Variants in RNF175 observed in about 807,000 individuals in gnomAD.
The protein encoded by RNF175 is ring finger protein 175.
RNF175 carries 38 observed loss-of-function variants against 50.0 expected under a neutral mutation model. The observed-to-expected ratio is 0.76, with a 90% CI of 0.59 to 1.00. RNF175 has a LOEUF of 1.00. RNF175 is among the 50% of genes least tolerant of loss of function. The probability of loss-of-function intolerance (pLI) is 0.00; values close to 1 mark genes in which losing one functional copy is unlikely to be tolerated. For synonymous variants in RNF175, 155 were observed against 146.1 expected, an observed-to-expected ratio of 1.06 and a Z score of -0.44; for missense variants, 388 against 409.6, an observed-to-expected ratio of 0.95 and a Z score of 0.46.
At chr4:153,718,399 C>G (rs1738121516) in intron 6 of RNF175, among the ~76,000 whole-genome samples, 1 of 151,846 alleles carries the variant, frequency 6.6e-6, no homozygotes, top group Admixed American at 6.6e-5. Flanking sequence ...CACACACACA[C>G]CCCTTATTAA....
chr4:153,721,010 G>C (rs764010602), intron 5 of RNF175, among the ~76,000 whole-genome samples: 3 of 152,060 alleles, frequency 2.0e-5, no homozygotes, highest in Non-Finnish European at 4.4e-5. Context: ...ACAAAAATTG[G>C]TACATCACAA....
rs898795907 is a variant in RNF175, at chr4:153,747,831, G to C, written c.246+814C>G. Reference sequence around the variant, plus strand: ...TTCTTCGTATCAATTTTCTTTCTTAGTCTGTTTTCTGCTGTTATAACAGAA... The same window carrying C: ...TTCTTCGTATCAATTTTCTTTCTTACTCTGTTTTCTGCTGTTATAACAGAA... On this transcript the variant is annotated intron_variant, in intron 3 of 8. Transcript: ENST00000347063. 6.6e-5 allele frequency among the ~76,000 whole-genome samples: 10 copies of C among 152,250 alleles called. No individual in the cohort carries two copies. In the East Asian group the frequency reaches 1.9e-3, roughly 29 times the overall value.
At chr4:153,713,357 C>A (rs1560765791) in intron 7 of RNF175, 2 of 152,204 alleles carry the variant, frequency 1.3e-5, no homozygotes, top group African/African-American at 2.4e-5. Flanking sequence ...TCAGTGTCCT[C>A]AGCACCTTAA....
In RNF175 at chr4:153,730,439, A is replaced by C. The variant is rs542045253; in HGVS notation, c.247-2078T>G. ...GTTAGACCCTGTCTTAAAAAAAAAAAAGTGGGTAGCACCTTAACAAAAATC... is the reference window on the plus strand; with the variant it reads ...GTTAGACCCTGTCTTAAAAAAAAAACAGTGGGTAGCACCTTAACAAAAATC... On this transcript the variant is annotated intron_variant, in intron 3 of 8. Coordinates refer to ENST00000347063, the MANE Select transcript of RNF175 (RefSeq NM_173662.4). Among the ~76,000 whole-genome samples the C allele has an allele frequency of 3.3e-5, 5 of 152,240 alleles. No homozygotes were observed. The East Asian group carries it at 9.7e-4, about 29-fold the overall frequency.
intron 4 of RNF175, among the ~76,000 whole-genome samples, chr4:153,726,073 A>ATG (rs10592509): frequency 0.023 from 3,387 of 149,032 alleles, 45 homozygotes; most frequent in Non-Finnish European, 0.031. Context: ...TAGTGTGTGT[A>ATG]TGTGTGTGTG....
intron 3 of RNF175, chr4:153,729,896 C>T (rs201455363): frequency 4.8e-6 from 1 of 208,844 alleles, no homozygotes. Flanking sequence ...GGAAAAAAAT[C>T]CACTAATCTT....
rs1738251382 is a variant in RNF175, at chr4:153,720,253, G to A, written c.561C>T (p.Gly187=). The A allele has an allele frequency of 6.2e-7, 1 of 1,612,870 alleles. No individual in the cohort carries two copies. Residue 187 remains glycine, a synonymous_variant, in exon 6 of 9, where the codon GGC becomes GGT. Transcript: ENST00000347063. ...CTCTCCCCATTACTCCATAGTAGAGGCCGTAGAACAAAGACACAATGCCAA... is the reference window on the plus strand; with the variant it reads ...CTCTCCCCATTACTCCATAGTAGAGACCGTAGAACAAAGACACAATGCCAA... ...MDFGIVSLFY[G]LYYGVMGRDF... is the part of the protein sequence containing the mutation.
intron 2 of RNF175, among the ~76,000 whole-genome samples, chr4:153,749,446 C>G (rs1740171441): frequency 6.6e-6 from 1 of 152,080 alleles, no homozygotes; most frequent in Admixed American, 6.5e-5. Flanking sequence ...AGAATATTAT[C>G]CAGGGGGCAA....
At chr4:153,750,654 A>G (rs1740237631) in intron 2 of RNF175, among the ~76,000 whole-genome samples, 1 of 115,192 alleles carries the variant, frequency 8.7e-6, no homozygotes, top group African/African-American at 3.1e-5. Flanking sequence ...CTAGAAGCTC[A>G]TTTAAACAAA....
intron 1 of RNF175, among the ~76,000 whole-genome samples, chr4:153,757,765 A>G (rs1740633749): frequency 6.6e-6 from 1 of 151,794 alleles, no homozygotes; most frequent in South Asian, 2.1e-4. Context: ...CTGCTCTCAC[A>G]CTCCAAATTT....
chr4:153,759,796 C>T lies in RNF175; in HGVS notation c.66+1G>A. On this transcript the variant is annotated splice_donor_variant, in intron 1 of 8. Coordinates refer to ENST00000347063, the MANE Select transcript of RNF175 (RefSeq NM_173662.4). LOFTEE classifies it high-confidence loss of function. Reference sequence around the variant, plus strand: ...CCACGCCCGCGCCCCCGCGCCAGTACCTGCTCCTGCTGCGGGGGGGCCTCC... The same window carrying T: ...CCACGCCCGCGCCCCCGCGCCAGTATCTGCTCCTGCTGCGGGGGGGCCTCC... 6.8e-7 allele frequency: 1 copy of T among 1,480,044 alleles called. No individual in the cohort carries two copies. The highest frequency in any genetic ancestry group is 8.9e-7 in the Non-Finnish European group (1 of 1,122,902). The allele number at this position is 1,480,044 out of a possible 1,614,324, so 91.7% of individuals were successfully genotyped here. A position where few individuals can be genotyped will look rare whatever the true frequency, so the allele number is the denominator to read the frequency against.
At chr4:153,718,858 G>A (rs1351557497) in intron 6 of RNF175, among the ~76,000 whole-genome samples, 1 of 152,196 alleles carries the variant, frequency 6.6e-6, no homozygotes, top group Non-Finnish European at 1.5e-5. Context: ...GCTGTGGGGA[G>A]GAAGTCAAGG....
chr4:153,718,949 T>A (rs1271762593), intron 6 of RNF175, among the ~76,000 whole-genome samples: 1 of 152,174 alleles, frequency 6.6e-6, no homozygotes, highest in Non-Finnish European at 1.5e-5. Context: ...ACACTGTTTT[T>A]TTCTTTTTTT....
At chr4:153,741,015 A>C (rs1380408077) in intron 3 of RNF175, among the ~76,000 whole-genome samples, 1 of 152,218 alleles carries the variant, frequency 6.6e-6, no homozygotes, top group Non-Finnish European at 1.5e-5. Flanking sequence ...TAAGCCTTGC[A>C]GCTCTTTCAG....
chr4:153,712,042 T>C (rs1560764385), intron 8 of RNF175, among the ~76,000 whole-genome samples: 1 of 152,212 alleles, frequency 6.6e-6, no homozygotes, highest in African/African-American at 2.4e-5. Context: ...CCCTAACATA[T>C]TTTAAAAATA....
At chr4:153,711,313 G>A (rs1737559342) in intron 8 of RNF175, among the ~76,000 whole-genome samples, 1 of 151,892 alleles carries the variant, frequency 6.6e-6, no homozygotes, top group Admixed American at 6.6e-5. Flanking sequence ...CCTTGAGTTG[G>A]GCTTGAGTGG....
intron 5 of RNF175, chr4:153,723,080 T>C: frequency 4.4e-6 from 1 of 228,574 alleles, no homozygotes; most frequent in South Asian, 7.8e-5. Flanking sequence ...AGCACAATTG[T>C]AGGTCCACTG....
chr4:153,742,091 A>G (rs1247839443), intron 3 of RNF175, among the ~76,000 whole-genome samples: 1 of 152,090 alleles, frequency 6.6e-6, no homozygotes, highest in Non-Finnish European at 1.5e-5. Context: ...CCTGGCCAAC[A>G]TAGTGAAACC....
chr4:153,746,335 G>A (rs1269578358), intron 3 of RNF175, among the ~76,000 whole-genome samples: 5 of 152,270 alleles, frequency 3.3e-5, no homozygotes, highest in African/African-American at 1.2e-4. Flanking sequence ...GGCATAGTGA[G>A]GTAGGGTTTG....
Sources: gnomAD v4.1 joint callset for allele counts (sites outside exome capture counted in the v4.1 genomes callset) on GRCh38, gnomAD v4.1.1 for gene constraint, MANE v1.5 for transcripts, NCBI Gene and HGNC (gene_info 2026-07-23, HGNC 2026-07-21) for gene names.